Variants in TULP4 observed in about 807,000 individuals in gnomAD.
TULP4 encodes the protein tubby-related protein 4.
TULP4 carries 16 observed loss-of-function variants against 129.0 expected under a neutral mutation model. The ratio of observed to expected loss-of-function variants is 0.12; its 90% CI spans 0.08 to 0.19. The LOEUF is 0.19. TULP4 is among the 10% of genes least tolerant of loss of function. TULP4 has a pLI of 1.00. For synonymous variants in TULP4, 998 were observed against 854.0 expected (o/e 1.17, Z -2.94); for missense variants, 1,842 against 2,059.1 (o/e 0.89, Z 2.04).
At position 158,502,714 on chromosome 6, in the gene TULP4, C is replaced by T. The variant is rs754484279; in HGVS notation, c.3051C>T (p.Gly1017=). 6.7e-5 allele frequency: 104 copies of T among 1,561,002 alleles called. No homozygotes were observed. Among genetic ancestry groups the T allele is most frequent in the East Asian group, 4.3e-4 (19 of 44,262 alleles). The part of the protein sequence containing the change: ...APLQPLAKSK[G]GPGGVVTQLP... ...TGCAGCCCCTGGCCAAGTCCAAGGG[C>T]GGGCCCGGGGGGGTGGTGACACAGC... The change falls in exon 13 of 14, where the codon GGC becomes GGT. Residue 1017 remains glycine (G), a synonymous_variant. Coordinates refer to ENST00000367097, the MANE Select transcript of TULP4 (RefSeq NM_020245.5).
chr6:158,479,582 A>C (rs1051092872), intron 6 of TULP4, among the ~76,000 whole-genome samples, 169 bp from the exon 7 acceptor site: 4 of 152,136 alleles, frequency 2.6e-5, no homozygotes, highest in Admixed American at 2.6e-4. Context: ...ATTTTCAATA[A>C]ACATACTGAA....
intron 1 of TULP4, among the ~76,000 whole-genome samples, chr6:158,286,093 T>C (rs1778831325): frequency 6.6e-6 from 1 of 152,234 alleles, no homozygotes; most frequent in African/African-American, 2.4e-5. Flanking sequence ...TTCATGAAAA[T>C]ATTTGGCTGT....
chr6:158,328,079 G>GGTGTGTGTGTGT lies in TULP4; in HGVS notation c.252+13849_252+13860dup, dbSNP rs766393090. 1.3e-3 allele frequency among the ~76,000 whole-genome samples: 161 copies of GGTGTGTGTGTGT among 120,580 alleles called. 7 individuals are homozygous for GGTGTGTGTGTGT. In the East Asian group the frequency reaches 0.017, roughly 13 times the overall value. 79.1% of individuals were successfully genotyped at this position (120,580 alleles called of 152,430 possible). ...TCCTGTTGCCAGCATTCTCAGAGCT[G>GGTGTGTGTGTGT]GTGTGTGTGTGTGTGTGTGTGTGTG... On this transcript the variant is annotated intron_variant, in intron 1 of 13. Coordinates refer to ENST00000367097, the MANE Select transcript of TULP4 (RefSeq NM_020245.5).
At chr6:158,348,173 G>T (rs200366080) in intron 1 of TULP4, among the ~76,000 whole-genome samples, 21,560 of 112,186 alleles carry the variant, frequency 0.19, 2,355 homozygotes, top group Middle Eastern at 0.3. Flanking sequence ...TTTTTTTAAG[G>T]TTTTTTTTTT....
chr6:158,283,645 A>C (rs539902348), intron 1 of TULP4, among the ~76,000 whole-genome samples: 10 of 152,344 alleles, frequency 6.6e-5, no homozygotes, highest in African/African-American at 2.2e-4. Flanking sequence ...TATTGGTGGA[A>C]GTACCAGTAA....
In TULP4 at chr6:158,358,954, C is replaced by T. The variant is rs9457364; in HGVS notation, c.252+44686C>T. Among the ~76,000 whole-genome samples, 848 of 152,198 alleles carry T rather than the reference C, an allele frequency of 5.6e-3. 8 individuals carry two copies. Among genetic ancestry groups the T allele is most frequent in the African/African-American group, 0.019 (775 of 41,534 alleles). ...AGATTAGAGACAGGCTGGGCCACAC[C>T]GGGCAGCATGTGCCAATCTAAGCCG... On this transcript the variant is annotated intron_variant, in intron 1 of 13. Transcript: ENST00000367097.
upstream of TULP4, among the ~76,000 whole-genome samples, chr6:158,281,856 G>T (rs142621012): frequency 1.2e-3 from 178 of 152,212 alleles, no homozygotes; most frequent in African/African-American, 4.0e-3. Context: ...TGACTCTTCC[G>T]TAGTGCTTCA....
At chr6:158,447,905 C>A (rs943523676) in intron 3 of TULP4, among the ~76,000 whole-genome samples, 2 of 152,186 alleles carry the variant, frequency 1.3e-5, no homozygotes, top group South Asian at 2.1e-4. Context: ...CCATTAGACA[C>A]AAAAGATGTA....
In TULP4 at chr6:158,312,859, ACT is replaced by A. The variant is rs1779393640; in HGVS notation, c.-1153_-1152del. The stretch of plus-strand genomic sequence containing the variant: ...AAGCACCCATCAGCAAAACACTATC[ACT>A]CTCTAGGGAGACAGCTGGGGGAATC... On this transcript the variant is annotated 5_prime_UTR_variant, in exon 1 of 14. Transcript: ENST00000367097. 1 of 151,950 alleles carries A rather than the reference ACT, an allele frequency of 6.6e-6. No homozygotes were observed. The highest frequency in any genetic ancestry group is 1.5e-5 in the Non-Finnish European group (1 of 68,006). 9.4% of individuals were successfully genotyped at this position (151,950 alleles called of 1,614,324 possible). A position where few individuals can be genotyped will look rare whatever the true frequency, so the allele number is the denominator to read the frequency against.
intron 1 of TULP4, among the ~76,000 whole-genome samples, chr6:158,260,524 A>G (rs185505): frequency 0.46 from 69,464 of 150,006 alleles, 16,371 homozygotes; most frequent in East Asian, 0.53. Flanking sequence ...TGCAGTGAGC[A>G]GAGATCACGC....
intron 1 of TULP4, among the ~76,000 whole-genome samples, chr6:158,272,846 A>G (rs894854620): frequency 1.3e-5 from 2 of 152,158 alleles, no homozygotes; most frequent in African/African-American, 4.8e-5. Context: ...TTCTCAATAC[A>G]TACTTTATCT....
intron 1 of TULP4, among the ~76,000 whole-genome samples, chr6:158,245,430 T>C (rs112348600): frequency 1.3e-5 from 2 of 152,094 alleles, no homozygotes; most frequent in Admixed American, 1.3e-4. Context: ...GGAAAGGGAA[T>C]GATAAGGATG....
chr6:158,495,046 G>A (rs1204949463), intron 11 of TULP4, among the ~76,000 whole-genome samples, 200 bp downstream of exon 11: 3 of 151,822 alleles, frequency 2.0e-5, no homozygotes, highest in Non-Finnish European at 2.9e-5. Context: ...TTTGCCAGTG[G>A]CATTTTTTTT....
At chr6:158,332,183 AAAAAAAAAAAAAAAAAAATAT>A (rs1479787979) in intron 1 of TULP4, among the ~76,000 whole-genome samples, 1,115 of 40,992 alleles carry the variant, frequency 0.027, 3 homozygotes, top group Non-Finnish European at 0.038. Flanking sequence ...AAAAAAAAAA[AAAAAAAAAAAAAAAAAAATAT>A]ATATATATAT....
upstream of TULP4, among the ~76,000 whole-genome samples, chr6:158,280,373 G>A (rs1254877681): frequency 6.6e-6 from 1 of 152,028 alleles, no homozygotes; most frequent in Non-Finnish European, 1.5e-5. Flanking sequence ...GTTATTTAAA[G>A]TTATCTTTTC....
At chr6:158,385,856 T>TTTTTTTTTTTTTTTTTTTTTTTG (rs1777435498) in intron 1 of TULP4, among the ~76,000 whole-genome samples, 1 of 139,706 alleles carries the variant, frequency 7.2e-6, no homozygotes. Flanking sequence ...TTTTTTTTTT[T>TTTTTTTTTTTTTTTTTTTTTTTG]TTTTTTGAGA....
At chr6:158,337,758 C>A (rs1780081278) in intron 1 of TULP4, among the ~76,000 whole-genome samples, 6 of 150,274 alleles carry the variant, frequency 4.0e-5, no homozygotes, top group Admixed American at 3.3e-4. Flanking sequence ...CAAGAGTATT[C>A]AAAAATTATT....
At chr6:158,243,473 T>A (rs1260598855) in intron 1 of TULP4, among the ~76,000 whole-genome samples, 3 of 150,928 alleles carry the variant, frequency 2.0e-5, no homozygotes, top group Non-Finnish European at 4.4e-5. Flanking sequence ...ATATGATTGT[T>A]TGAATTAAGA....
intron 1 of TULP4, among the ~76,000 whole-genome samples, chr6:158,260,373 A>G (rs143431479): frequency 2.3e-3 from 350 of 152,276 alleles, no homozygotes; most frequent in African/African-American, 8.0e-3. Flanking sequence ...TAAGATGTTC[A>G]TGACCATCCT....
Sources: allele counts gnomAD v4.1 joint callset (sites outside exome capture counted in the v4.1 genomes callset), GRCh38; gene constraint gnomAD v4.1.1; transcripts MANE v1.5; gene names NCBI Gene and HGNC (gene_info 2026-07-23, HGNC 2026-07-21).